The following SOX5 variants were observed in gnomAD, a reference collection of about 807,000 sequenced individuals.
SOX5 encodes the protein transcription factor SOX-5.
A neutral mutation model predicts 92.0 loss-of-function variants in SOX5; 9 were observed. The observed-to-expected ratio is 0.10, with a 90% CI of 0.06 to 0.17. SOX5 has a LOEUF of 0.17. Ranked by LOEUF, SOX5 falls within the 10% of genes least tolerant of loss-of-function variation. The pLI is 1.00. For synonymous variants in SOX5, 344 were observed against 336.3 expected, an observed-to-expected ratio of 1.02 and a Z score of -0.25; for missense variants, 642 against 944.5, an observed-to-expected ratio of 0.68 and a Z score of 4.20.
intron 5 of SOX5, among the ~76,000 whole-genome samples, chr12:23,738,234 G>C (rs1050093947): frequency 6.6e-6 from 1 of 152,170 alleles, no homozygotes; most frequent in Non-Finnish European, 1.5e-5. Context: ...AGAATACATA[G>C]AATGGGGACA....
chr12:24,395,248 T>TA lies in SOX5; in HGVS notation c.-250-26610dup, dbSNP rs200651353. 2.1e-3 allele frequency among the ~76,000 whole-genome samples: 306 copies of TA among 146,054 alleles called. 2 individuals are homozygous for TA. Among genetic ancestry groups the TA allele is most frequent in the South Asian group, 7.2e-3 (33 of 4,588 alleles). ...ATAAGGATGGAGAACACAGATCTAT[T>TA]AAAAAAAAAAAGAGCTACCATTTTG... On this transcript the variant is annotated intron_variant, in intron 1 of 4. Transcript: ENST00000446891.
intron 3 of SOX5, among the ~76,000 whole-genome samples, chr12:24,271,838 A>G (rs1454193574): frequency 6.6e-6 from 1 of 152,194 alleles, no homozygotes; most frequent in Non-Finnish European, 1.5e-5. Flanking sequence ...CCATGCAGGA[A>G]TGCCATACTT....
intron 8 of SOX5, among the ~76,000 whole-genome samples, chr12:23,616,199 T>A (rs1476170719): frequency 6.6e-6 from 1 of 151,860 alleles, no homozygotes; most frequent in Non-Finnish European, 1.5e-5. Context: ...AAATGAAGAG[T>A]AGACAGGGCT....
intron 3 of SOX5, among the ~76,000 whole-genome samples, chr12:24,228,672 G>T (rs1003295286): frequency 6.6e-6 from 1 of 151,874 alleles, no homozygotes; most frequent in Non-Finnish European, 1.5e-5. Flanking sequence ...GTGTGTGTGC[G>T]TGTGTGTGTC....
intron 4 of SOX5, among the ~76,000 whole-genome samples, chr12:24,146,202 C>T (rs189783385): frequency 6.6e-6 from 1 of 151,858 alleles, no homozygotes; most frequent in African/African-American, 2.4e-5. Flanking sequence ...TCTCAGTCTG[C>T]ATGGAATATT....
At chr12:24,345,825 T>C (rs1028612405) in intron 2 of SOX5, among the ~76,000 whole-genome samples, 3 of 152,196 alleles carry the variant, frequency 2.0e-5, no homozygotes, top group Non-Finnish European at 4.4e-5. Context: ...ATTAATAGAA[T>C]TGTCGTGAAG....
At chr12:23,608,204 G>A (rs993190252) in intron 8 of SOX5, among the ~76,000 whole-genome samples, 2 of 143,734 alleles carry the variant, frequency 1.4e-5, no homozygotes, top group East Asian at 2.2e-4. Context: ...TCTTAGCCTC[G>A]CAGAATAACA....
At chr12:24,026,203 C>G (rs887083287) in intron 4 of SOX5, among the ~76,000 whole-genome samples, 10 of 151,990 alleles carry the variant, frequency 6.6e-5, no homozygotes, top group Non-Finnish European at 7.4e-5. Flanking sequence ...ACGGGGTAAC[C>G]ACGGGAGTGA....
At chr12:24,441,782 C>A (rs1335882286) in intron 1 of SOX5, among the ~76,000 whole-genome samples, 1 of 152,054 alleles carries the variant, frequency 6.6e-6, no homozygotes, top group South Asian at 2.1e-4. Flanking sequence ...TTTAGGAAAC[C>A]ATTTTATTGT....
intron 3 of SOX5, among the ~76,000 whole-genome samples, chr12:23,767,527 A>G (rs2094777999): frequency 6.6e-6 from 1 of 152,198 alleles, no homozygotes; most frequent in East Asian, 1.9e-4. Context: ...ACCAGAAATT[A>G]CAAATCCTGG....
chr12:23,915,564 G>A (rs568644065), intron 1 of SOX5, among the ~76,000 whole-genome samples: 5 of 152,128 alleles, frequency 3.3e-5, no homozygotes, highest in South Asian at 2.1e-4. Context: ...TTTCAATTAA[G>A]TTTAAAACAA....
intron 9 of SOX5, among the ~76,000 whole-genome samples, chr12:23,589,903 A>G (rs887826170): frequency 1.3e-5 from 2 of 152,024 alleles, no homozygotes; most frequent in Non-Finnish European, 2.9e-5. Context: ...ATTAAGCTAT[A>G]ATCCCTACCC....
chr12:24,359,201 C>A (rs1360205696), intron 2 of SOX5, among the ~76,000 whole-genome samples: 2 of 152,102 alleles, frequency 1.3e-5, no homozygotes, highest in African/African-American at 4.8e-5. Flanking sequence ...GTATAATGTG[C>A]AAAATACAAA....
chr12:24,486,550 G>C (rs1946547241), intron 1 of SOX5, among the ~76,000 whole-genome samples: 2 of 152,158 alleles, frequency 1.3e-5, no homozygotes, highest in Non-Finnish European at 1.5e-5. Flanking sequence ...GAGGTACCTT[G>C]TCCCCTCTGG....
Position 23,919,087 on chromosome 12 carries a change from G to A in SOX5, c.39-23063C>T, listed in dbSNP as rs567199574. 1.1e-4 allele frequency among the ~76,000 whole-genome samples: 17 copies of A among 152,214 alleles called. No homozygotes were observed. In the East Asian group the frequency reaches 3.1e-3, roughly 28 times the overall value. On this transcript the variant is annotated intron_variant, in intron 1 of 14. Transcript: ENST00000451604. ...TTAATAGGTAATATCAATGAGTAATGAAGATGACTGAGCAAATGCCTGCAT... is the reference window on the plus strand; with the variant it reads ...TTAATAGGTAATATCAATGAGTAATAAAGATGACTGAGCAAATGCCTGCAT...
chr12:24,553,708 G>A (rs963143225), intron 1 of SOX5, among the ~76,000 whole-genome samples: 4 of 152,240 alleles, frequency 2.6e-5, no homozygotes, highest in Non-Finnish European at 5.9e-5. Context: ...GTGGTGCCAT[G>A]AGAATAGAGA....
chr12:24,189,734 C>A (rs1956344515), intron 4 of SOX5, among the ~76,000 whole-genome samples: 1 of 152,160 alleles, frequency 6.6e-6, no homozygotes, highest in Admixed American at 6.6e-5. Context: ...CATATTGTGT[C>A]TTCTTTCTCA....
chr12:23,544,498 A>G (rs1436015285), intron 12 of SOX5, among the ~76,000 whole-genome samples: 3 of 152,154 alleles, frequency 2.0e-5, no homozygotes, highest in African/African-American at 7.2e-5. Context: ...TTCATTCCTC[A>G]TCTTTTCTTT....
At chr12:23,601,733 G>A (rs1286275966) in intron 9 of SOX5, among the ~76,000 whole-genome samples, 2 of 151,970 alleles carry the variant, frequency 1.3e-5, no homozygotes, top group Non-Finnish European at 2.9e-5. Flanking sequence ...TATTGTAATG[G>A]GTCCTCTTTA....
Sources: gnomAD v4.1 joint callset for allele counts (sites outside exome capture counted in the v4.1 genomes callset) on GRCh38, gnomAD v4.1.1 for gene constraint, MANE v1.5 for transcripts, NCBI Gene and HGNC (gene_info 2026-07-23, HGNC 2026-07-21) for gene names.